MDC1: variants seen among roughly 807,000 people sequenced by gnomAD.
The protein encoded by MDC1 is mediator of DNA damage checkpoint protein 1.
MDC1 carries 81 observed loss-of-function variants against 142.5 expected under a neutral mutation model. That is an observed-to-expected ratio of 0.57 (90% CI 0.47 to 0.68). The LOEUF is 0.68. Among genes scored for constraint, MDC1 ranks in the 30% least tolerant of loss-of-function variants. The pLI is 0.00. For missense variants in MDC1, 2,119 were observed against 2,547.9 expected (o/e 0.83, Z 3.62); for synonymous variants, 797 against 968.4 (o/e 0.82, Z 3.29).
chr6:30,708,252 C>A lies in MDC1; in HGVS notation c.2327G>T (p.Gly776Val). 6.2e-7 allele frequency: 1 copy of A among 1,613,026 alleles called. No individual in the cohort carries two copies. Among genetic ancestry groups the A allele is most frequent in the Non-Finnish European group, 8.5e-7 (1 of 1,180,022 alleles). ...QPFDTHLEAY[G>V]PCLSPPRAIP... ...TGCCCTAGGTGGAGACAGGCAAGGT[C>A]CATAGGCCTCAAGGTGCGTGTCAAA... The change falls in exon 8 of 15, where the codon GGA (glycine) becomes GTA (valine). Residue 776 changes from glycine (G) to valine (V), a missense_variant. Transcript: ENST00000376406.
intron 9 of MDC1, 126 bp from the exon 10 acceptor site, chr6:30,706,224 C>G: frequency 5.0e-6 from 4 of 807,668 alleles, no homozygotes; most frequent in Non-Finnish European, 7.4e-6. Context: ...TGGTGGCTCA[C>G]GGCTATAATC....
At position 30,716,858 on chromosome 6, in the gene MDC1, GA is replaced by G; in HGVS notation, c.-4+386del. On this transcript the variant is annotated intron_variant, in intron 1 of 14. Coordinates refer to ENST00000376406, the MANE Select transcript of MDC1 (RefSeq NM_014641.3). The surrounding 1 kb of genome is among the most constrained non-coding windows in gnomAD (Gnocchi z 4.4). ...GATGAAGGAACAAATGAGATGGAAA[GA>G]AAATAGCATAAATGGAATTCACCTG... 1.0e-6 allele frequency: 1 copy of G among 971,828 alleles called. No individual in the cohort carries two copies. Among genetic ancestry groups the G allele is most frequent in the Non-Finnish European group, 1.2e-6 (1 of 817,474 alleles). The allele number at this position is 971,828 out of a possible 1,614,324, so 60.2% of individuals were successfully genotyped here. A position where few individuals can be genotyped will look rare whatever the true frequency, so the allele number is the denominator to read the frequency against.
In MDC1 at chr6:30,706,080, C is replaced by G; in HGVS notation, c.3103G>C (p.Asp1035His). The G allele has an allele frequency of 6.3e-7, 1 of 1,587,162 alleles. No homozygotes were observed. The highest frequency in any genetic ancestry group is 8.5e-7 in the Non-Finnish European group (1 of 1,174,798). Residue 1035 changes from aspartate (D) to histidine (H), a missense_variant, in exon 10 of 15, where the codon GAT becomes CAT. By Grantham distance (81) the Asp-to-His change is moderately conservative. Transcript: ENST00000376406. ...KVSRGDQESP[D>H]ACLPPTVPEA... ...GGTACTGTAGGAGGCAGACAAGCAT[C>G]TGGAGATTCCTGATCGCCCTAGGGA...
rs147413243 is a variant in MDC1, at chr6:30,714,448, C to T, written c.137-265G>A. Among the ~76,000 whole-genome samples the T allele has an allele frequency of 7.3e-4, 111 of 152,058 alleles. 2 individuals are homozygous for T. The East Asian group carries it at 0.019, about 26-fold the overall frequency. ...GTGTATAGTTCAGTGGCATTAAGTG[C>T]ATTCACACTGTTGTGCAATCATCAC... On this transcript the variant is annotated intron_variant, in intron 2 of 14. Transcript: ENST00000376406.
At position 30,715,381 on chromosome 6, in the gene MDC1, G is replaced by C. The variant is rs1775518580; in HGVS notation, c.-3-203C>G. On this transcript the variant is annotated intron_variant, in intron 1 of 14. Transcript: ENST00000376406. The surrounding 1 kb of genome is among the most constrained non-coding windows in gnomAD (Gnocchi z 4.1). ...TGATGGAGTCTCGTTCTGCTCCCCA[G>C]GCTGGCATGCAGTGGTAAGATCTTG... Among the ~76,000 whole-genome samples the C allele has an allele frequency of 6.6e-6, 1 of 152,144 alleles. No individual in the cohort carries two copies. Among genetic ancestry groups the C allele is most frequent in the Admixed American group, 6.5e-5 (1 of 15,268 alleles).
chr6:30,702,023 G>A (rs1198861097), intron 14 of MDC1, among the ~76,000 whole-genome samples: 1 of 152,010 alleles, frequency 6.6e-6, no homozygotes, highest in Non-Finnish European at 1.5e-5. Flanking sequence ...AGCACTTTGA[G>A]AGGCCGAGGC....
rs1309003522 is a variant in MDC1 at position 30,702,835 on chromosome 6, C to T, written c.5908G>A (p.Val1970Met). The T allele has an allele frequency of 6.2e-7, 1 of 1,613,154 alleles. No individual in the cohort carries two copies. ...TTCTTCTCTTGCTCAGGGTCGGTCA[C>T]CACATATTCATCCGGGGGTAAGAAG... ...GFFLPPDEYV[V>M]TDPEQEKNFG... Residue 1970 changes from valine to methionine, a missense_variant, in exon 13 of 15, where the codon GTG becomes ATG. Val to Met is a conservative substitution (Grantham distance 21). Transcript: ENST00000376406.
chr6:30,705,169 T>A lies in MDC1; in HGVS notation c.4014A>T (p.Thr1338=), dbSNP rs1202285337. The A allele has an allele frequency of 5.0e-6, 8 of 1,601,902 alleles. No homozygotes were observed. Among genetic ancestry groups the A allele is most frequent in the South Asian group, 3.3e-5 (3 of 89,788 alleles). The part of the protein sequence containing the change: ...TAPELQISTS[T]DQPVTPKPTS... ...TGGGCTTAGGGGTGACAGGTTGGTC[T>A]GTGGAGGTGGAAATCTGGAGCTCAG... Residue 1338 remains threonine, a synonymous_variant, in exon 10 of 15, where the codon ACA becomes ACT. Coordinates refer to ENST00000376406, the MANE Select transcript of MDC1 (RefSeq NM_014641.3).
intron 7 of MDC1, among the ~76,000 whole-genome samples, chr6:30,708,980 AAAAG>A (rs140751169): frequency 1.1e-4 from 16 of 151,794 alleles, no homozygotes; most frequent in East Asian, 3.9e-4. Flanking sequence ...CTGTCTCAAA[AAAAG>A]AAAGAAAGAA....
rs201403894 is a variant in MDC1 at position 30,709,770 on chromosome 6, TG to T, written c.2222-1414del. Among the ~76,000 whole-genome samples, 935 of 152,364 alleles carry T rather than the reference TG, an allele frequency of 6.1e-3. 9 individuals carry two copies. Among genetic ancestry groups the T allele is most frequent in the South Asian group, 0.039 (187 of 4,824 alleles). ...AGTGAGCATACAATATTTGCCTTTC[TG>T]TGCTGACTTATTTCACTTAACATAA... is the stretch of plus-strand genomic sequence containing the variant. On this transcript the variant is annotated intron_variant, in intron 7 of 14. Transcript: ENST00000376406. This position sits in a 1 kb window ranked among gnomAD's most constrained non-coding sequence, Gnocchi z 4.2.
At position 30,709,407 on chromosome 6, in the gene MDC1, C is replaced by T. The variant is rs1774473982; in HGVS notation, c.2222-1050G>A. 6.6e-6 allele frequency among the ~76,000 whole-genome samples: 1 copy of T among 152,132 alleles called. No individual in the cohort carries two copies. Among genetic ancestry groups the T allele is most frequent in the South Asian group, 2.1e-4 (1 of 4,834 alleles). ...TCTTCATTGACACATAATAATTGTACATATTTATGGGGTACCTGTGCTATT... is the reference window on the plus strand; with the variant it reads ...TCTTCATTGACACATAATAATTGTATATATTTATGGGGTACCTGTGCTATT... On this transcript the variant is annotated intron_variant, in intron 7 of 14. Coordinates refer to ENST00000376406, the MANE Select transcript of MDC1 (RefSeq NM_014641.3). This position sits in a 1 kb window ranked among gnomAD's most constrained non-coding sequence, Gnocchi z 4.2.
At position 30,713,686 on chromosome 6, in the gene MDC1, T is replaced by C; in HGVS notation, c.549A>G (p.Lys183=). ...DFLSERRMVK[K]SRTTSSSVIV... is the part of the protein sequence containing the mutation. ...TCACAGAGGAAGATGTGGTCCTTGATTTTTTTACCATACGCCTTTCAGAAA... is the reference window on the plus strand; with the variant it reads ...TCACAGAGGAAGATGTGGTCCTTGACTTTTTTACCATACGCCTTTCAGAAA... The change falls in exon 4 of 15, where the codon AAA becomes AAG. Residue 183 remains lysine, a synonymous_variant. Coordinates refer to ENST00000376406, the MANE Select transcript of MDC1 (RefSeq NM_014641.3). The surrounding 1 kb of genome is among the most constrained non-coding windows in gnomAD (Gnocchi z 4.9). The C allele has an allele frequency of 1.2e-6, 2 of 1,614,156 alleles. No individual in the cohort carries two copies. Among genetic ancestry groups the C allele is most frequent in the Non-Finnish European group, 1.7e-6 (2 of 1,179,992 alleles).
intron 14 of MDC1, 60 bp from the exon 15 acceptor site, chr6:30,700,692 GA>G: frequency 6.4e-7 from 1 of 1,571,252 alleles, no homozygotes; most frequent in Non-Finnish European, 8.7e-7. Context: ...ATGGGTTCAG[GA>G]CCCACTAACC....
At position 30,702,803 on chromosome 6, in the gene MDC1, G is replaced by A. The variant is rs762650225; in HGVS notation, c.5940C>T (p.Gly1980=). The A allele has an allele frequency of 6.2e-7, 1 of 1,613,140 alleles. No individual in the cohort carries two copies. The highest frequency in any genetic ancestry group is 1.1e-5 in the South Asian group (1 of 91,088). The change falls in exon 13 of 15, where the codon GGC becomes GGT. Residue 1980 remains glycine, a synonymous_variant. Transcript: ENST00000376406. ...VTDPEQEKNF[G]FSLQDALSRA... ...TGCTCAGTGCGTCTTGAAGGCTAAA[G>A]CCAAAGTTCTTCTCTTGCTCAGGGT...
chr6:30,700,767 T>C (rs983386576), intron 14 of MDC1, 135 bp from the exon 15 acceptor site: 1 of 856,310 alleles, frequency 1.2e-6, no homozygotes, highest in Non-Finnish European at 1.8e-6. Context: ...CCGCATACTG[T>C]CTATGAAATA....
Position 30,707,699 on chromosome 6 carries a change from C to T in MDC1, c.2880G>A (p.Gly960=). 1 of 1,613,080 alleles carries T rather than the reference C, an allele frequency of 6.2e-7. No individual in the cohort carries two copies. The highest frequency in any genetic ancestry group is 1.1e-5 in the South Asian group (1 of 91,088). ...EPEGGSQDQK[G]QASSPTPEPG... is the part of the protein sequence containing the mutation. ...GCTCTGGTGTTGGGCTGGAGGCCTG[C>T]CCTTTCTGGTCCTGGCTCCCTCCCT... Residue 960 remains glycine (G), a synonymous_variant, in exon 8 of 15, where the codon GGG becomes GGA. Transcript: ENST00000376406.
intron 12 of MDC1, 90 bp from the exon 13 acceptor site, chr6:30,702,967 T>G: frequency 6.3e-7 from 1 of 1,596,552 alleles, no homozygotes; most frequent in African/African-American, 1.3e-5. Context: ...ACAAAATGTC[T>G]TTTAAATCAA....
At position 30,713,689 on chromosome 6, in the gene MDC1, T is replaced by G; in HGVS notation, c.546A>C (p.Lys182Asn). ...VDFLSERRMVKKSRTTSSSVI... is the reference protein window; with the variant it reads ...VDFLSERRMVNKSRTTSSSVI... ...CAGAGGAAGATGTGGTCCTTGATTTTTTTACCATACGCCTTTCAGAAAGAA... is the reference window on the plus strand; with the variant it reads ...CAGAGGAAGATGTGGTCCTTGATTTGTTTACCATACGCCTTTCAGAAAGAA... Residue 182 changes from lysine (K) to asparagine (N), a missense_variant, in exon 4 of 15, where the codon AAA (lysine) becomes AAC (asparagine). Coordinates refer to ENST00000376406, the MANE Select transcript of MDC1 (RefSeq NM_014641.3). The surrounding 1 kb of genome is among the most constrained non-coding windows in gnomAD (Gnocchi z 4.9). 1 of 1,614,210 alleles carries G rather than the reference T, an allele frequency of 6.2e-7. No homozygotes were observed. The highest frequency in any genetic ancestry group is 8.5e-7 in the Non-Finnish European group (1 of 1,180,040).
chr6:30,711,950 C>T lies in MDC1; in HGVS notation c.1992G>A (p.Glu664=). ...TLGESTQPQR[E]GAQVPTGRER... Reference sequence around the variant, plus strand: ...CCCTTCCTGTGGGGACCTGGGCTCCCTCTCTCTGTGGCTGGGTGGATTCCC... The same window carrying T: ...CCCTTCCTGTGGGGACCTGGGCTCCTTCTCTCTGTGGCTGGGTGGATTCCC... Residue 664 remains glutamate, a synonymous_variant, in exon 5 of 15, where the codon GAG becomes GAA. Coordinates refer to ENST00000376406, the MANE Select transcript of MDC1 (RefSeq NM_014641.3). The T allele has an allele frequency of 1.3e-6, 2 of 1,565,138 alleles. No individual in the cohort carries two copies. Among genetic ancestry groups the T allele is most frequent in the Non-Finnish European group, 1.7e-6 (2 of 1,158,052 alleles).
Sources: allele counts gnomAD v4.1 joint callset (sites outside exome capture counted in the v4.1 genomes callset), GRCh38; gene constraint gnomAD v4.1.1; non-coding constraint Gnocchi (gnomAD v3.1); transcripts MANE v1.5; gene names NCBI Gene and HGNC (gene_info 2026-07-23, HGNC 2026-07-21).